The following SLC15A2 variants were observed in gnomAD, a reference collection of about 807,000 sequenced individuals.
SLC15A2 encodes kidney H(+)/peptide cotransporter.
A neutral mutation model predicts 95.5 loss-of-function variants in SLC15A2; 77 were observed. The observed-to-expected ratio is 0.81, with a 90% confidence interval of 0.67 to 0.97. The LOEUF is 0.97. Among genes scored for constraint, SLC15A2 ranks in the 50% least tolerant of loss-of-function variants. SLC15A2 has a pLI of 0.00. For missense variants in SLC15A2, 893 were observed against 874.4 expected, an observed-to-expected ratio of 1.02 and a Z score of -0.27; for synonymous variants, 306 against 306.9, an observed-to-expected ratio of 1.00 and a Z score of 0.03.
At chr3:121,909,226 C>A (rs1326634995) in intron 3 of SLC15A2, among the ~76,000 whole-genome samples, 1 of 151,794 alleles carries the variant, frequency 6.6e-6, no homozygotes, top group East Asian at 1.9e-4. Flanking sequence ...CCATGCCTGG[C>A]AAATTTTTGT....
At chr3:121,932,934 C>T (rs990648726) in intron 19 of SLC15A2, among the ~76,000 whole-genome samples, 1 of 151,994 alleles carries the variant, frequency 6.6e-6, no homozygotes, top group Non-Finnish European at 1.5e-5. Context: ...ACAACAGTCC[C>T]CAGAGTGTGA....
chr3:121,939,550 A>G, intron 20 of SLC15A2, 55 bp downstream of exon 20: 1 of 1,419,020 alleles, frequency 7.0e-7, no homozygotes, highest in South Asian at 1.6e-5. Context: ...AGGACAATGA[A>G]TTTTAATTCT....
In SLC15A2 at chr3:121,940,837, G is replaced by T. The variant is rs368822521; in HGVS notation, c.2020G>T (p.Glu674Ter). 2 of 1,611,350 alleles carry T rather than the reference G, an allele frequency of 1.2e-6. No homozygotes were observed. Among genetic ancestry groups the T allele is most frequent in the Admixed American group, 1.7e-5 (1 of 59,478 alleles). ...TATTTATTTCCCCCTGCAGTGGGCC[G>T]AATTCATTTTGTTTTCCTGCCTCCT... is the stretch of plus-strand genomic sequence containing the variant. Reference protein sequence around the residue: ...AQFSGLVQWAEFILFSCLLLV... With the variant: ...AQFSGLVQWA The change falls in exon 22 of 22, where the codon GAA (glutamate) becomes TAA (stop). Residue 674 changes from glutamate to a stop codon, truncating the protein, a stop_gained. Coordinates refer to ENST00000489711, the MANE Select transcript of SLC15A2 (RefSeq NM_021082.4). LOFTEE classifies it high-confidence loss of function.
At chr3:121,933,513 T>C (rs1710273881) in intron 19 of SLC15A2, among the ~76,000 whole-genome samples, 2 of 152,108 alleles carry the variant, frequency 1.3e-5, no homozygotes, top group African/African-American at 2.4e-5. Context: ...TGATGGCCAG[T>C]GATGATGAGC....
At chr3:121,902,115 A>G (rs906558743) in intron 3 of SLC15A2, among the ~76,000 whole-genome samples, 1 of 152,196 alleles carries the variant, frequency 6.6e-6, no homozygotes, top group Admixed American at 6.5e-5. Context: ...AGAGCTACAT[A>G]CAGGAAAGAC....
intron 3 of SLC15A2, among the ~76,000 whole-genome samples, chr3:121,909,662 G>A (rs531495322): frequency 6.6e-6 from 1 of 152,038 alleles, no homozygotes; most frequent in Non-Finnish European, 1.5e-5. Flanking sequence ...TAATCTATAA[G>A]TTGCCTATTT....
rs775841949 is a variant in SLC15A2 at position 121,943,803 on chromosome 3, A to C, written c.*2796A>C. ...TGGTATAGACTGTTTCTCCAGCTAT[A>C]TGGTGTAGACTGTTTCTCCTAGGCT... On this transcript the variant is annotated 3_prime_UTR_variant, in exon 22 of 22. Coordinates refer to ENST00000489711, the MANE Select transcript of SLC15A2 (RefSeq NM_021082.4). 32 of 152,262 alleles carry C rather than the reference A, an allele frequency of 2.1e-4. No individual in the cohort carries two copies. Among genetic ancestry groups the C allele is most frequent in the Admixed American group, 7.8e-4 (12 of 15,288 alleles). The allele number at this position is 152,262 out of a possible 1,614,324, so 9.4% of individuals were successfully genotyped here.
rs541420510 is a variant in SLC15A2 at position 121,903,962 on chromosome 3, T to C, written c.335+6433T>C. On this transcript the variant is annotated intron_variant, in intron 3 of 21. Transcript: ENST00000489711. The stretch of plus-strand genomic sequence containing the variant: ...GGGCAGTATGGCCATTTTCACGATA[T>C]TGACTCTTCCTATCCATGAGCATGG... Among the ~76,000 whole-genome samples, 11 of 152,344 alleles carry C rather than the reference T, an allele frequency of 7.2e-5. No individual in the cohort carries two copies. In the East Asian group the frequency reaches 1.9e-3, roughly 27 times the overall value.
At chr3:121,918,875 G>A (rs931501183) in intron 7 of SLC15A2, among the ~76,000 whole-genome samples, 4 of 152,216 alleles carry the variant, frequency 2.6e-5, no homozygotes, top group Non-Finnish European at 5.9e-5. Context: ...AGAAGTAAAT[G>A]TTACAGGATT....
At chr3:121,902,140 G>A (rs538190117) in intron 3 of SLC15A2, among the ~76,000 whole-genome samples, 10 of 152,186 alleles carry the variant, frequency 6.6e-5, no homozygotes, top group South Asian at 2.1e-4. Context: ...CAATAGGTAC[G>A]CAGTGGGAAA....
Position 121,928,962 on chromosome 3 carries a change from T to C in SLC15A2, c.1342-20T>C, listed in dbSNP as rs752770848. 6.2e-7 allele frequency: 1 copy of C among 1,612,120 alleles called. No homozygotes were observed. The highest frequency in any genetic ancestry group is 1.3e-5 in the African/African-American group (1 of 74,932). The stretch of plus-strand genomic sequence containing the variant: ...GTAGAAGGTGTACGTGACCTTCATT[T>C]TATATTCTTCATTTTACAGAAAACA... On this transcript the variant is annotated intron_variant, in intron 15 of 21. Transcript: ENST00000489711.
chr3:121,903,915 C>T (rs759302043), intron 3 of SLC15A2, among the ~76,000 whole-genome samples: 40 of 152,310 alleles, frequency 2.6e-4, no homozygotes, highest in Admixed American at 1.2e-3. Flanking sequence ...ATGGGGATAG[C>T]ATTGAATCTA....
intron 7 of SLC15A2, among the ~76,000 whole-genome samples, chr3:121,917,298 T>G (rs1328953836): frequency 6.6e-6 from 1 of 152,108 alleles, no homozygotes; most frequent in East Asian, 1.9e-4. Flanking sequence ...TAAAAGGAAT[T>G]TACAATATGG....
chr3:121,909,571 T>C (rs1200559149), intron 3 of SLC15A2, among the ~76,000 whole-genome samples: 2 of 152,212 alleles, frequency 1.3e-5, no homozygotes, highest in African/African-American at 2.4e-5. Flanking sequence ...TAGTTTCCTC[T>C]CTTATATCCC....
At chr3:121,930,558 A>G (rs1710211113) in intron 17 of SLC15A2, among the ~76,000 whole-genome samples, 1 of 152,230 alleles carries the variant, frequency 6.6e-6, no homozygotes, top group African/African-American at 2.4e-5. Flanking sequence ...ATTTCCATGA[A>G]TGATCATGAT....
chr3:121,916,975 C>T (rs563968601), intron 7 of SLC15A2, among the ~76,000 whole-genome samples: 1 of 152,206 alleles, frequency 6.6e-6, no homozygotes, highest in South Asian at 2.1e-4. Flanking sequence ...CGCCCACCAC[C>T]ATGCCTGGCT....
In SLC15A2 at chr3:121,940,155, TAGG is replaced by T. The variant is rs1186327366; in HGVS notation, c.1909-227_1909-225del. ...AAGAATACGAATAGAACTTATCTCT[TAGG>T]ATTGTAATGAAGATTATATGACATA... On this transcript the variant is annotated intron_variant, in intron 20 of 21. Transcript: ENST00000489711. Among the ~76,000 whole-genome samples the T allele has an allele frequency of 2.6e-5, 4 of 152,250 alleles. No individual in the cohort carries two copies. The East Asian group carries it at 7.7e-4, about 29-fold the overall frequency.
chr3:121,907,195 TC>T (rs34900621), intron 3 of SLC15A2, among the ~76,000 whole-genome samples: 10,577 of 152,320 alleles, frequency 0.069, 416 homozygotes, highest in South Asian at 0.16. Flanking sequence ...GGTTTTCAGC[TC>T]CATCAGGTCA....
intron 11 of SLC15A2, among the ~76,000 whole-genome samples, 198 bp from the exon 12 acceptor site, chr3:121,924,153 C>T (rs1402866439): frequency 6.6e-6 from 1 of 152,218 alleles, no homozygotes; most frequent in Non-Finnish European, 1.5e-5. Flanking sequence ...GCCTGGCAAA[C>T]ATAGCCAGAA....
Sources: gnomAD v4.1 joint callset for allele counts (sites outside exome capture counted in the v4.1 genomes callset) on GRCh38, gnomAD v4.1.1 for gene constraint, MANE v1.5 for transcripts, NCBI Gene and HGNC (gene_info 2026-07-23, HGNC 2026-07-21) for gene names.